Variants in TTLL7 observed in about 807,000 individuals in gnomAD.
TTLL7 encodes the protein tubulin tyrosine ligase like 7, also known as tubulin polyglutamylase TTLL7.
Under a neutral mutation model 120.2 loss-of-function variants are expected in TTLL7, and 53 were observed. The ratio of observed to expected loss-of-function variants is 0.44; its 90% CI spans 0.35 to 0.55. The LOEUF is 0.55. Among genes scored for constraint, TTLL7 ranks in the 20% least tolerant of loss-of-function variants. The pLI is 0.00. For synonymous variants in TTLL7, 353 were observed against 351.7 expected (o/e 1.00, Z -0.04); for missense variants, 803 against 1,054.7 (o/e 0.76, Z 3.31).
At chr1:83,960,467 G>A (rs1298819741) in intron 1 of TTLL7, among the ~76,000 whole-genome samples, 2 of 152,078 alleles carry the variant, frequency 1.3e-5, no homozygotes, top group African/African-American at 4.8e-5. Context: ...GACTGATAAG[G>A]AAAATGTAAT....
At chr1:83,916,084 G>A (rs1400359136) in intron 14 of TTLL7, among the ~76,000 whole-genome samples, 2 of 152,040 alleles carry the variant, frequency 1.3e-5, no homozygotes, top group East Asian at 1.9e-4. Flanking sequence ...TCAGTGTGGC[G>A]ATTCCTCAGG....
chr1:83,872,738 T>C (rs1653551309), intron 20 of TTLL7, among the ~76,000 whole-genome samples: 2 of 152,200 alleles, frequency 1.3e-5, no homozygotes, highest in South Asian at 4.1e-4. Flanking sequence ...CTTACACTAT[T>C]TTACTGAACA....
At chr1:83,995,798 G>A (rs934918439) in intron 1 of TTLL7, among the ~76,000 whole-genome samples, 3 of 151,896 alleles carry the variant, frequency 2.0e-5, no homozygotes, top group East Asian at 1.9e-4. Flanking sequence ...AAAAGCATAC[G>A]CACAAAGATG....
In TTLL7 at chr1:83,907,491, G is replaced by A. The variant is rs1657296123; in HGVS notation, c.1957C>T (p.His653Tyr). ...RASSYMRHLP[H>Y]SNDACSTNSQ... ...TTGGTAGAGCAGGCATCATTACTGT[G>A]AGGCAGATGCCTCATGTAGGAGGAA... The change falls in exon 16 of 21, where the codon CAC becomes TAC. Residue 653 changes from histidine to tyrosine, a missense_variant. Coordinates refer to ENST00000260505, the MANE Select transcript of TTLL7 (RefSeq NM_024686.6). 1 of 1,612,916 alleles carries A rather than the reference G, an allele frequency of 6.2e-7. No individual in the cohort carries two copies. The highest frequency in any genetic ancestry group is 2.2e-5 in the East Asian group (1 of 44,856).
intron 9 of TTLL7, among the ~76,000 whole-genome samples, chr1:83,932,482 A>G (rs1423220117): frequency 6.6e-6 from 1 of 152,140 alleles, no homozygotes; most frequent in Non-Finnish European, 1.5e-5. Flanking sequence ...GGAGCAAAAT[A>G]TGAACATCCA....
At chr1:83,932,075 A>G (rs1659646801) in intron 9 of TTLL7, among the ~76,000 whole-genome samples, 1 of 152,162 alleles carries the variant, frequency 6.6e-6, no homozygotes, top group South Asian at 2.1e-4. Flanking sequence ...CATGCAAACA[A>G]TGGTTATTTT....
intron 19 of TTLL7, among the ~76,000 whole-genome samples, chr1:83,884,631 C>T (rs1557540222): frequency 6.8e-6 from 1 of 148,136 alleles, no homozygotes; most frequent in Non-Finnish European, 1.5e-5. Context: ...GGTGTTTTTT[C>T]CAAACACTGC....
intron 17 of TTLL7, among the ~76,000 whole-genome samples, chr1:83,905,386 T>G (rs1196825435): frequency 1.3e-5 from 2 of 151,754 alleles, no homozygotes; most frequent in Admixed American, 6.6e-5. Context: ...TCTCTTTTAT[T>G]GTTGTTTGTT....
rs34596192 is a variant in TTLL7 at position 83,976,033 on chromosome 1, CTGTGTGTGTGTG to C, written c.-177+22886_-177+22897del. On this transcript the variant is annotated intron_variant, in intron 1 of 20. Coordinates refer to ENST00000260505, the MANE Select transcript of TTLL7 (RefSeq NM_024686.6). ...CTGTGTCCTGAAATTTTGTCTCTCT[CTGTGTGTGTGTG>C]TGTGTGTGTGTGTGTGTGTGTGTGT... 5.4e-3 allele frequency among the ~76,000 whole-genome samples: 795 copies of C among 147,892 alleles called. 8 individuals are homozygous for C. The highest frequency in any genetic ancestry group is 0.013 in the African/African-American group (506 of 40,012).
intron 6 of TTLL7, among the ~76,000 whole-genome samples, chr1:83,944,856 CAAT>C (rs1472701940): frequency 3.3e-5 from 5 of 152,120 alleles, no homozygotes; most frequent in African/African-American, 1.2e-4. Context: ...TAATTTGTGA[CAAT>C]AACAACATAA....
rs1389487599 is a variant in TTLL7, at chr1:83,868,950, T to C, written c.*1012A>G. 6.7e-6 allele frequency: 1 copy of C among 150,124 alleles called. No homozygotes were observed. Among genetic ancestry groups the C allele is most frequent in the African/African-American group, 2.4e-5 (1 of 41,266 alleles). The allele number at this position is 150,124 out of a possible 1,614,324, so 9.3% of individuals were successfully genotyped here. On this transcript the variant is annotated 3_prime_UTR_variant, in exon 21 of 21. Transcript: ENST00000260505. ...TTATTTATTTATTTTTATCTTCTTT[T>C]TATTTATTTATTTATTTTATTTTAT... is the stretch of plus-strand genomic sequence containing the variant.
At chr1:83,989,267 G>T in intron 1 of TTLL7, among the ~76,000 whole-genome samples, 1 of 152,038 alleles carries the variant, frequency 6.6e-6, no homozygotes, top group Non-Finnish European at 1.5e-5. Context: ...TGTTGGGAAG[G>T]GTATTTCCTA....
At chr1:83,870,413 A>G (rs140896501) in intron 20 of TTLL7, among the ~76,000 whole-genome samples, 6 of 152,300 alleles carry the variant, frequency 3.9e-5, no homozygotes, top group Non-Finnish European at 7.4e-5. Context: ...TTTCTTTAAA[A>G]CACGTGATTT....
chr1:83,941,374 G>C lies in TTLL7; in HGVS notation c.723+1089C>G, dbSNP rs530970567. On this transcript the variant is annotated intron_variant, in intron 7 of 20. Transcript: ENST00000260505. ...CTAGCACAGTGCCCAGAATGTAGTA[G>C]AGTTCAAACATTACTTGGTGATTGG... Among the ~76,000 whole-genome samples, 16 of 152,322 alleles carry C rather than the reference G, an allele frequency of 1.1e-4. No homozygotes were observed. In the South Asian group the frequency reaches 3.1e-3, roughly 30 times the overall value.
At chr1:83,913,680 A>G (rs1657863502) in intron 14 of TTLL7, among the ~76,000 whole-genome samples, 1 of 152,256 alleles carries the variant, frequency 6.6e-6, no homozygotes, top group Admixed American at 6.5e-5. Flanking sequence ...TTTGAAATAT[A>G]GCTGGCTTTA....
chr1:83,933,531 A>G, intron 9 of TTLL7, 77 bp downstream of exon 9: 3 of 1,451,264 alleles, frequency 2.1e-6, no homozygotes, highest in Non-Finnish European at 1.9e-6. Flanking sequence ...AACTGTGTTA[A>G]GTACACATTT....
intron 1 of TTLL7, among the ~76,000 whole-genome samples, chr1:83,964,098 T>A (rs551606466): frequency 1.1e-4 from 16 of 152,228 alleles, no homozygotes; most frequent in African/African-American, 3.6e-4. Flanking sequence ...AAAATACTAA[T>A]AGACTTTACG....
chr1:83,959,368 T>C (rs902854135), intron 1 of TTLL7, among the ~76,000 whole-genome samples: 1 of 152,196 alleles, frequency 6.6e-6, no homozygotes, highest in Non-Finnish European at 1.5e-5. Flanking sequence ...CCTATTGGTC[T>C]TTTGAAGCAC....
Position 83,967,974 on chromosome 1 carries a change from G to A in TTLL7, c.-176-15587C>T, listed in dbSNP as rs184787558. 3.0e-3 allele frequency among the ~76,000 whole-genome samples: 457 copies of A among 152,058 alleles called. 6 individuals are homozygous for A. Among genetic ancestry groups the A allele is most frequent in the Non-Finnish European group, 6.3e-4 (43 of 67,962 alleles). On this transcript the variant is annotated intron_variant, in intron 1 of 20. Coordinates refer to ENST00000260505, the MANE Select transcript of TTLL7 (RefSeq NM_024686.6). ...TATTCAAGAAAAACTATTGAACCTGGGGTAAGAACAGTCGGGATGGCATTT... is the reference window on the plus strand; with the variant it reads ...TATTCAAGAAAAACTATTGAACCTGAGGTAAGAACAGTCGGGATGGCATTT...
Sources: allele counts gnomAD v4.1 joint callset (sites outside exome capture counted in the v4.1 genomes callset), GRCh38; gene constraint gnomAD v4.1.1; transcripts MANE v1.5; gene names NCBI Gene and HGNC (gene_info 2026-07-23, HGNC 2026-07-21).